Variants in ESR1 observed in about 807,000 individuals in gnomAD.
ESR1 encodes the protein estrogen receptor.
In ESR1, 12 loss-of-function variants were observed where a neutral mutation model predicts 52.7. That is an observed-to-expected ratio of 0.23 (90% CI 0.15 to 0.37). The LOEUF is 0.37. Ranked by LOEUF, ESR1 falls within the 10% of genes least tolerant of loss-of-function variation. The pLI, the probability that ESR1 is intolerant of heterozygous loss-of-function variation, is 1.00. For missense variants in ESR1, 584 were observed against 779.7 expected, an observed-to-expected ratio of 0.75 and a Z score of 2.99; for synonymous variants, 305 against 316.8, an observed-to-expected ratio of 0.96 and a Z score of 0.39.
At chr6:151,757,766 G>A (rs796832124) in intron 2 of ESR1, among the ~76,000 whole-genome samples, 11 of 152,264 alleles carry the variant, frequency 7.2e-5, no homozygotes, top group African/African-American at 2.6e-4. Flanking sequence ...TGCCACGACC[G>A]AGGAGACAAA....
Position 151,944,444 on chromosome 6 carries a change from C to T in ESR1, c.1032C>T (p.Gly344=), listed in dbSNP as rs144223995. 41 of 1,614,116 alleles carry T rather than the reference C, an allele frequency of 2.5e-5. No individual in the cohort carries two copies. In the African/African-American group the frequency reaches 5.2e-4, roughly 20 times the overall value. The stretch of plus-strand genomic sequence containing the variant: ...CCTTCAGTGAAGCTTCGATGATGGG[C>T]TTACTGACCAACCTGGCAGACAGGG... ...TRPFSEASMM[G]LLTNLADREL... Residue 344 remains glycine, a synonymous_variant, in exon 4 of 8, where the codon GGC becomes GGT. Transcript: ENST00000206249.
intron 4 of ESR1, among the ~76,000 whole-genome samples, chr6:151,981,785 T>A (rs919205465): frequency 1.3e-5 from 2 of 152,260 alleles, no homozygotes; most frequent in Admixed American, 1.3e-4. Flanking sequence ...TATAACTTAC[T>A]CCATCGGTAG....
At chr6:152,017,208 A>C (rs1037618682) in intron 5 of ESR1, among the ~76,000 whole-genome samples, 1 of 152,200 alleles carries the variant, frequency 6.6e-6, no homozygotes, top group Non-Finnish European at 1.5e-5. Context: ...GTGTCCATTT[A>C]AAAAGAATGA....
At chr6:151,673,303 T>G (rs968413209) in intron 1 of ESR1, among the ~76,000 whole-genome samples, 13 of 152,238 alleles carry the variant, frequency 8.5e-5, no homozygotes, top group African/African-American at 3.1e-4. Context: ...GTTCTTGGAC[T>G]TCTAAATAGT....
intron 4 of ESR1, among the ~76,000 whole-genome samples, chr6:151,983,278 C>T (rs1218281697): frequency 6.6e-6 from 1 of 152,094 alleles, no homozygotes; most frequent in African/African-American, 2.4e-5. Context: ...GCGACTACTC[C>T]AATTCAATCT....
chr6:152,049,208 A>T (rs2046470236), intron 5 of ESR1, among the ~76,000 whole-genome samples: 1 of 152,232 alleles, frequency 6.6e-6, no homozygotes, highest in African/African-American at 2.4e-5. Flanking sequence ...TCAAACCCAG[A>T]AGTGTGTTTT....
intron 3 of ESR1, among the ~76,000 whole-genome samples, chr6:151,927,208 T>G (rs750610704): frequency 6.6e-6 from 1 of 152,216 alleles, no homozygotes; most frequent in Non-Finnish European, 1.5e-5. Flanking sequence ...TTGTTCATGA[T>G]GTATAATTTA....
At chr6:152,074,214 T>C (rs1255714132) in intron 6 of ESR1, among the ~76,000 whole-genome samples, 1 of 152,226 alleles carries the variant, frequency 6.6e-6, no homozygotes, top group East Asian at 1.9e-4. Context: ...ATAATTTCAC[T>C]GCCCTAAAAA....
At chr6:151,853,913 A>G (rs910418170) in intron 2 of ESR1, among the ~76,000 whole-genome samples, 1 of 152,192 alleles carries the variant, frequency 6.6e-6, no homozygotes, top group Non-Finnish European at 1.5e-5. Context: ...AGTGGCAATA[A>G]TTTCCCATAA....
rs1344602028 is a variant in ESR1 at position 152,098,177 on chromosome 6, C to G, written c.1554-555C>G. ...CATTAGGGGAGAGAGGCAGGAAGAG[C>G]TTGGAGACATGGATGGAAGCTGGAC... is the stretch of plus-strand genomic sequence containing the variant. On this transcript the variant is annotated intron_variant, in intron 7 of 7. Coordinates refer to ENST00000206249, the MANE Select transcript of ESR1 (RefSeq NM_000125.4). This position sits in a 1 kb window ranked among gnomAD's most constrained non-coding sequence, Gnocchi z 5.1. 6.6e-6 allele frequency among the ~76,000 whole-genome samples: 1 copy of G among 152,060 alleles called. No individual in the cohort carries two copies. Among genetic ancestry groups the G allele is most frequent in the Non-Finnish European group, 1.5e-5 (1 of 68,020 alleles).
chr6:152,097,992 T>C (rs2050759869), intron 7 of ESR1, among the ~76,000 whole-genome samples: 1 of 152,234 alleles, frequency 6.6e-6, no homozygotes, highest in Admixed American at 6.5e-5. Context: ...TTGAGGCTGC[T>C]GCCACTGGGT....
chr6:152,104,580 G>A (rs1206596814), downstream of ESR1, among the ~76,000 whole-genome samples: 3 of 152,012 alleles, frequency 2.0e-5, no homozygotes, highest in African/African-American at 7.3e-5. Context: ...ACTGCCTTTC[G>A]TTGTTTTAGT....
rs552240176 is a variant in ESR1, at chr6:152,022,737, C to T, written c.1235+10943C>T. 1.1e-4 allele frequency among the ~76,000 whole-genome samples: 16 copies of T among 152,074 alleles called. No individual in the cohort carries two copies. The East Asian group carries it at 2.3e-3, about 22-fold the overall frequency. On this transcript the variant is annotated intron_variant, in intron 5 of 7. Transcript: ENST00000206249. ...ATGTAATCTCAGCACTTTGGGAGGCCGAGGCTGGCAGATCACCTGAGGTTG... is the reference window on the plus strand; with the variant it reads ...ATGTAATCTCAGCACTTTGGGAGGCTGAGGCTGGCAGATCACCTGAGGTTG...
chr6:151,791,371 GCT>G (rs1236286117), intron 2 of ESR1, among the ~76,000 whole-genome samples: 6 of 152,140 alleles, frequency 3.9e-5, no homozygotes, highest in Non-Finnish European at 8.8e-5. Context: ...TCTTTCACGA[GCT>G]CTCTTGCCTG....
chr6:151,813,599 T>C (rs1562432908), intron 1 of ESR1: 1 of 152,208 alleles, frequency 6.6e-6, no homozygotes, highest in Non-Finnish European at 1.5e-5. Flanking sequence ...TAAGTACCTA[T>C]AATTGCTATA....
At chr6:152,104,493 G>T (rs1443505165), downstream of ESR1, among the ~76,000 whole-genome samples, 1 of 152,164 alleles carries the variant, frequency 6.6e-6, no homozygotes, top group Non-Finnish European at 1.5e-5. Context: ...TTAATAGAAT[G>T]ATGGATATGT....
rs774082012 is a variant in ESR1 at position 151,807,883 on chromosome 6, C to T, written c.-30C>T. ...CTGAGCCTTCTGCCCTGCGGGGACA[C>T]GGTCTGCACCCTGCCCGCGGCCACG... On this transcript the variant is annotated 5_prime_UTR_variant, in exon 1 of 8. It adds an upstream start codon to the 5' untranslated region. Coordinates refer to ENST00000206249, the MANE Select transcript of ESR1 (RefSeq NM_000125.4). 2 of 1,597,828 alleles carry T rather than the reference C, an allele frequency of 1.3e-6. No individual in the cohort carries two copies. The highest frequency in any genetic ancestry group is 1.7e-6 in the Non-Finnish European group (2 of 1,166,962).
intron 6 of ESR1, among the ~76,000 whole-genome samples, chr6:152,116,176 C>G (rs2051208581): frequency 6.6e-6 from 1 of 152,136 alleles, no homozygotes; most frequent in Non-Finnish European, 1.5e-5. Context: ...TTAAAATTTA[C>G]TAAAAGAAGA....
chr6:151,736,375 G>GTTTTTTTTTTTTTTTTTTTTTTT lies in ESR1; in HGVS notation c.-71+34385_-71+34386insTTTTTTTTTTTTTTTTTTTTTTT, dbSNP rs10624912. 2.0e-3 allele frequency among the ~76,000 whole-genome samples: 227 copies of GTTTTTTTTTTTTTTTTTTTTTTT among 112,670 alleles called. 28 individuals carry two copies. The highest frequency in any genetic ancestry group is 8.2e-3 in the African/African-American group (213 of 26,126). 73.9% of individuals were successfully genotyped at this position (112,670 alleles called of 152,430 possible). On this transcript the variant is annotated intron_variant, in intron 2 of 2. Transcript: ENST00000404742. ...AAATACTTACTGTATTCCAGGTAGT[G>GTTTTTTTTTTTTTTTTTTTTTTT]TTTTTTTTTTTTTTTGAGATGGAGT...
Sources: gnomAD v4.1 joint callset for allele counts (sites outside exome capture counted in the v4.1 genomes callset) on GRCh38, gnomAD v4.1.1 for gene constraint, Gnocchi (gnomAD v3.1) non-coding constraint, MANE v1.5 for transcripts, NCBI Gene and HGNC (gene_info 2026-07-23, HGNC 2026-07-21) for gene names.